Variants in PMS1 observed in about 807,000 individuals in gnomAD.
PMS1 encodes the protein PMS1 homolog 1, mismatch repair system component.
PMS1 carries 79 observed loss-of-function variants against 93.1 expected under a neutral mutation model. The ratio of observed to expected loss-of-function variants is 0.85; its 90% CI spans 0.71 to 1.02. The LOEUF (loss-of-function observed/expected upper bound fraction) is 1.02. Ranked by LOEUF, PMS1 falls within the 50% of genes least tolerant of loss-of-function variation. PMS1 has a pLI of 0.00. For missense variants in PMS1, 1,064 were observed against 1,085.3 expected (o/e 0.98, Z 0.28); for synonymous variants, 335 against 363.4 (o/e 0.92, Z 0.89).
chr2:189,852,179 C>A (rs1372418595), intron 6 of PMS1, among the ~76,000 whole-genome samples: 1 of 150,756 alleles, frequency 6.6e-6, no homozygotes, highest in East Asian at 1.9e-4. Flanking sequence ...TTTTTTTTAA[C>A]TCAGAAATGA....
At chr2:189,870,305 A>C (rs558193084) in intron 11 of PMS1, among the ~76,000 whole-genome samples, 1 of 152,336 alleles carries the variant, frequency 6.6e-6, no homozygotes, top group Admixed American at 6.5e-5. Context: ...AAGAGAAGGA[A>C]TACATCTGGC....
In PMS1 at chr2:189,785,313, CTG is replaced by C. The variant is rs562964074; in HGVS notation, c.-21+723_-21+724del. On this transcript the variant is annotated intron_variant, in intron 1 of 12. Coordinates refer to ENST00000441310, the MANE Select transcript of PMS1 (RefSeq NM_000534.5). ...TCTTTGTGTTCTCTCTAATGGAAGT[CTG>C]TGAGTTCTCTGATCTTTACTTCTTT... The C allele has an allele frequency of 1.2e-3, 184 of 152,298 alleles. 2 individuals carry two copies. Among genetic ancestry groups the C allele is most frequent in the African/African-American group, 4.0e-3 (165 of 41,552 alleles). The allele number at this position is 152,298 out of a possible 1,614,324, so 9.4% of individuals were successfully genotyped here.
At chr2:189,842,891 A>G (rs1441435089) in intron 5 of PMS1, among the ~76,000 whole-genome samples, 1 of 151,976 alleles carries the variant, frequency 6.6e-6, no homozygotes, top group African/African-American at 2.4e-5. Context: ...AAGGGGGGAA[A>G]TTACTATCAT....
Position 189,854,462 on chromosome 2 carries a change from A to G in PMS1, c.1190A>G (p.Asp397Gly). The stretch of plus-strand genomic sequence containing the variant: ...CCATTCCAAAATGATATGCATAATG[A>G]TGAATCTGGAAAAAACACTGATGAT... ...VIPFQNDMHNDESGKNTDDCL... is the reference protein window; with the variant it reads ...VIPFQNDMHNGESGKNTDDCL... The change falls in exon 9 of 13, where the codon GAT becomes GGT. Residue 397 changes from aspartate (D) to glycine (G), a missense_variant. Asp to Gly is a moderately conservative substitution (Grantham distance 94). Transcript: ENST00000441310. 6.2e-7 allele frequency: 1 copy of G among 1,613,304 alleles called. No homozygotes were observed. Among genetic ancestry groups the G allele is most frequent in the Non-Finnish European group, 8.5e-7 (1 of 1,179,398 alleles).
chr2:189,794,606 TTG>T lies in PMS1; in HGVS notation c.133-1161_133-1160del, dbSNP rs1267193921. On this transcript the variant is annotated intron_variant, in intron 2 of 12. Transcript: ENST00000441310. ...TTATAGAAAGATTTTATTTCCCCCTTTGTAACTTGCATCTGTGGTCATACACA... is the reference window on the plus strand; with the variant it reads ...TTATAGAAAGATTTTATTTCCCCCTTTAACTTGCATCTGTGGTCATACACA... Among the ~76,000 whole-genome samples, 5 of 152,316 alleles carry T rather than the reference TTG, an allele frequency of 3.3e-5. No individual in the cohort carries two copies. In the South Asian group the frequency reaches 1.0e-3, roughly 32 times the overall value.
intron 1 of PMS1, among the ~76,000 whole-genome samples, chr2:189,789,287 TC>T (rs1273848082): frequency 6.6e-6 from 1 of 152,214 alleles, no homozygotes; most frequent in Non-Finnish European, 1.5e-5. Context: ...ATTAGCTCCA[TC>T]TTTACAGATG....
At position 189,805,695 on chromosome 2, in the gene PMS1, A is replaced by C. The variant is rs1480886950; in HGVS notation, c.359A>C (p.Gln120Pro). The change falls in exon 4 of 13, where the codon CAG becomes CCG. Residue 120 changes from glutamine (Q) to proline (P), a missense_variant. Gln to Pro is a moderately conservative substitution (Grantham distance 76). Transcript: ENST00000441310. ...TRTAADNFST[Q>P]YVLDGSGHIL... ...ACGGCTGCTGATAATTTTAGCACCC[A>C]GTATGTTTTAGATGGCAGTGGCCAC... The C allele has an allele frequency of 1.9e-6, 3 of 1,613,920 alleles. No homozygotes were observed. In the South Asian group the frequency reaches 3.3e-5, roughly 18 times the overall value.
intron 6 of PMS1, among the ~76,000 whole-genome samples, chr2:189,844,411 G>A (rs958516287): frequency 6.6e-6 from 1 of 152,034 alleles, no homozygotes; most frequent in Non-Finnish European, 1.5e-5. Flanking sequence ...TGGAAGTCCG[G>A]GGCAGGCAGA....
At chr2:189,873,723 G>T in intron 12 of PMS1, 67 bp downstream of exon 12, 1 of 1,182,268 alleles carries the variant, frequency 8.5e-7, no homozygotes, top group Non-Finnish European at 1.2e-6. Context: ...AGCCGGTTAG[G>T]AACCAGGCCA....
Position 189,795,941 on chromosome 2 carries a change from G to C in PMS1, c.305G>C (p.Cys102Ser), listed in dbSNP as rs761453284. 6.2e-7 allele frequency: 1 copy of C among 1,605,634 alleles called. No individual in the cohort carries two copies. Among genetic ancestry groups the C allele is most frequent in the African/African-American group, 1.3e-5 (1 of 74,860 alleles). The change falls in exon 3 of 13, where the codon TGT (cysteine) becomes TCT (serine). Residue 102 changes from cysteine (C) to serine (S), a missense_variant. Cys to Ser is a moderately radical substitution (Grantham distance 112, BLOSUM62 -1). Transcript: ENST00000441310. ...FRGEALGSIC[C>S]IAEVLITTRT... is the part of the protein sequence containing the mutation. ...GGAGAAGCCTTGGGGTCAATTTGTT[G>C]TATAGCTGAGGTAAGGTAATTATAT...
chr2:189,795,620 A>G (rs1031116015), intron 2 of PMS1, 149 bp from the exon 3 acceptor site: 97 of 665,808 alleles, frequency 1.5e-4, no homozygotes, highest in Non-Finnish European at 2.5e-4. Flanking sequence ...AGAAATTAGT[A>G]GAGCTGAAGA....
At chr2:189,851,809 A>G (rs1394650337) in intron 6 of PMS1, among the ~76,000 whole-genome samples, 1 of 151,914 alleles carries the variant, frequency 6.6e-6, no homozygotes, top group Admixed American at 6.6e-5. Context: ...TAAATAACTT[A>G]ACAAAAATCA....
intron 3 of PMS1, among the ~76,000 whole-genome samples, chr2:189,803,958 T>A (rs578035635): frequency 3.3e-5 from 5 of 152,356 alleles, no homozygotes; most frequent in African/African-American, 4.8e-5. Flanking sequence ...GCACTTCAGT[T>A]TCTTCGTCTA....
At chr2:189,802,761 A>G (rs539663336) in intron 3 of PMS1, among the ~76,000 whole-genome samples, 3 of 152,344 alleles carry the variant, frequency 2.0e-5, no homozygotes, top group Admixed American at 1.3e-4. Flanking sequence ...GTTCTAAACC[A>G]AGGACTTCTG....
At chr2:189,838,417 T>C (rs1210861903) in intron 5 of PMS1, among the ~76,000 whole-genome samples, 1 of 152,192 alleles carries the variant, frequency 6.6e-6, no homozygotes, top group East Asian at 1.9e-4. Context: ...TGTCTGGTAC[T>C]GTTCTTGGTA....
chr2:189,786,943 C>T (rs1168224899), intron 1 of PMS1, among the ~76,000 whole-genome samples: 1 of 152,094 alleles, frequency 6.6e-6, no homozygotes, highest in East Asian at 1.9e-4. Context: ...ATCCCAGCTA[C>T]TCGGGAGGCT....
chr2:189,837,081 C>T (rs1328545326), intron 5 of PMS1, among the ~76,000 whole-genome samples: 1 of 151,790 alleles, frequency 6.6e-6, no homozygotes, highest in Non-Finnish European at 1.5e-5. Context: ...GAAATATTTC[C>T]TTGAATGCTT....
At chr2:189,803,242 G>A (rs2050051652) in intron 3 of PMS1, among the ~76,000 whole-genome samples, 1 of 152,026 alleles carries the variant, frequency 6.6e-6, no homozygotes, top group Non-Finnish European at 1.5e-5. Context: ...TGAATTATCA[G>A]GATATATTCT....
intron 6 of PMS1, among the ~76,000 whole-genome samples, chr2:189,850,420 A>T (rs1338451306): frequency 2.0e-5 from 3 of 152,162 alleles, no homozygotes; most frequent in African/African-American, 4.8e-5. Context: ...TAGAAGTAGG[A>T]TGAAATATTT....
Sources: allele counts gnomAD v4.1 joint callset (sites outside exome capture counted in the v4.1 genomes callset), GRCh38; gene constraint gnomAD v4.1.1; transcripts MANE v1.5; gene names NCBI Gene and HGNC (gene_info 2026-07-23, HGNC 2026-07-21).